Variants in RPF1 observed in about 807,000 individuals in gnomAD.
RPF1 encodes the protein ribosome production factor 1 homolog.
Under a neutral mutation model 41.9 loss-of-function variants are expected in RPF1, and 34 were observed. The observed-to-expected ratio is 0.81, with a 90% CI of 0.62 to 1.08. The LOEUF (loss-of-function observed/expected upper bound fraction) is 1.08. RPF1 is among the 50% of genes least tolerant of loss of function. The pLI, the probability that RPF1 is intolerant of heterozygous loss-of-function variation, is 0.00. For missense variants in RPF1, 425 were observed against 435.2 expected, an observed-to-expected ratio of 0.98 and a Z score of 0.21; for synonymous variants, 140 against 148.9, an observed-to-expected ratio of 0.94 and a Z score of 0.43.
chr1:84,496,402 A>AT, intron 8 of RPF1, 32 bp downstream of exon 8: 1 of 1,559,526 alleles, frequency 6.4e-7, no homozygotes, highest in Non-Finnish European at 8.7e-7. Context: ...AGACTAAGTC[A>AT]TTTTTAAAGT....
chr1:84,495,932 T>C lies in RPF1; in HGVS notation c.750T>C (p.Asn250=), dbSNP rs768828524. The part of the protein sequence containing the change: ...TEHIPEIILN[N]FTTRLGHSIG... ...ACATACCTGAAATAATTCTGAATAA[T>C]TTTACAACACGGCTGGGTCATTCAA... is the stretch of plus-strand genomic sequence containing the variant. The change falls in exon 7 of 9, where the codon AAT becomes AAC. Residue 250 remains asparagine (N), a synonymous_variant. Coordinates refer to ENST00000370654, the MANE Select transcript of RPF1 (RefSeq NM_025065.7). 1 of 1,611,292 alleles carries C rather than the reference T, an allele frequency of 6.2e-7. No individual in the cohort carries two copies. Among genetic ancestry groups the C allele is most frequent in the South Asian group, 1.1e-5 (1 of 90,856 alleles).
At chr1:84,496,132 C>A in intron 7 of RPF1, 69 bp downstream of exon 7, 1 of 1,480,312 alleles carries the variant, frequency 6.8e-7, no homozygotes, top group Middle Eastern at 1.8e-4. Flanking sequence ...AACTAATTTT[C>A]CAACATATTG....
chr1:84,490,483 T>A lies in RPF1; in HGVS notation c.616+11T>A. The A allele has an allele frequency of 6.4e-7, 1 of 1,563,244 alleles. No individual in the cohort carries two copies. Among genetic ancestry groups the A allele is most frequent in the Non-Finnish European group, 8.6e-7 (1 of 1,158,746 alleles). The stretch of plus-strand genomic sequence containing the variant: ...ATCGTAAAACCCCAAGTATCCTTTT[T>A]TTTTTTAAGGAGGTTTTCCTGTCCT... On this transcript the variant is annotated intron_variant, in intron 5 of 8. Transcript: ENST00000370654.
At chr1:84,490,275 C>G (rs1250739735) in intron 4 of RPF1, 44 bp from the exon 5 acceptor site, 1 of 1,366,984 alleles carries the variant, frequency 7.3e-7, no homozygotes, top group African/African-American at 1.5e-5. Context: ...GATTTTTATT[C>G]TTTTTTGAAA....
rs186289179 is a variant in RPF1 at position 84,486,620 on chromosome 1, A to G, written c.367-3013A>G. 4.3e-3 allele frequency among the ~76,000 whole-genome samples: 656 copies of G among 151,466 alleles called. 1 individual carries two copies. Among genetic ancestry groups the G allele is most frequent in the Admixed American group, 7.3e-3 (111 of 15,218 alleles). On this transcript the variant is annotated intron_variant, in intron 3 of 8. Transcript: ENST00000370654. ...AAAAAAAAAAAAAAAGAATAGGAAA[A>G]TGATGTGATCAGACTTAATTTTTAG...
chr1:84,495,511 T>A, intron 6 of RPF1, 56 bp downstream of exon 6: 1 of 778,120 alleles, frequency 1.3e-6, no homozygotes, highest in Admixed American at 2.6e-5. Flanking sequence ...ATTTATTTGA[T>A]CAATAGATGC....
chr1:84,482,667 A>G (rs945632987), intron 2 of RPF1, among the ~76,000 whole-genome samples: 5 of 150,576 alleles, frequency 3.3e-5, no homozygotes, highest in Non-Finnish European at 7.4e-5. Flanking sequence ...ACTTCTGCAC[A>G]GTTTTAAGCC....
intron 3 of RPF1, among the ~76,000 whole-genome samples, chr1:84,489,338 T>A (rs1223119058): frequency 1.3e-5 from 2 of 152,172 alleles, no homozygotes; most frequent in Non-Finnish European, 2.9e-5. Context: ...TTATTGTTTT[T>A]ACTAACCAAG....
Position 84,497,477 on chromosome 1 carries a change from G to A in RPF1, c.*7G>A. 1 of 1,603,818 alleles carries A rather than the reference G, an allele frequency of 6.2e-7. No homozygotes were observed. On this transcript the variant is annotated 3_prime_UTR_variant, in exon 9 of 9. Coordinates refer to ENST00000370654, the MANE Select transcript of RPF1 (RefSeq NM_025065.7). ...AAGAAAATTCCATTTATAAAGTACT[G>A]AGAGAATGATATTGGATTTTGCTGA...
intron 7 of RPF1, 21 bp from the exon 8 acceptor site, chr1:84,496,223 T>G (rs1681931810): frequency 6.2e-7 from 1 of 1,603,006 alleles, no homozygotes; most frequent in East Asian, 2.2e-5. Flanking sequence ...CAGACTAATT[T>G]AACTCTTTTT....
intron 3 of RPF1, among the ~76,000 whole-genome samples, chr1:84,486,800 T>C (rs961923461): frequency 2.0e-5 from 3 of 151,996 alleles, no homozygotes; most frequent in Non-Finnish European, 2.9e-5. Flanking sequence ...ATTCTAAATA[T>C]TTTTTCCCCT....
chr1:84,491,086 T>C (rs1421179631), intron 5 of RPF1, among the ~76,000 whole-genome samples: 2 of 152,218 alleles, frequency 1.3e-5, no homozygotes, highest in Non-Finnish European at 2.9e-5. Context: ...GCCCATGTTA[T>C]GTGTGTGTTC....
chr1:84,489,732 AAC>A lies in RPF1; in HGVS notation c.462+8_462+9del. ...AACATCAGATAGACCTCATGGGGTA[AAC>A]ACATTGATTAATTTAGTTCTTGAAT... is the stretch of plus-strand genomic sequence containing the variant. On this transcript the variant is annotated splice_donor_5th_base_variant and intron_variant, in intron 4 of 8. Transcript: ENST00000370654. 6.8e-7 allele frequency: 1 copy of A among 1,476,912 alleles called. No homozygotes were observed. The highest frequency in any genetic ancestry group is 1.1e-5 in the South Asian group (1 of 88,172). 91.5% of individuals were successfully genotyped at this position (1,476,912 alleles called of 1,614,324 possible).
rs544049233 is a variant in RPF1, at chr1:84,492,788, G to A, written c.616+2316G>A. 9.9e-5 allele frequency among the ~76,000 whole-genome samples: 15 copies of A among 152,230 alleles called. No homozygotes were observed. In the East Asian group the frequency reaches 2.9e-3, roughly 29 times the overall value. On this transcript the variant is annotated intron_variant, in intron 5 of 8. Coordinates refer to ENST00000370654, the MANE Select transcript of RPF1 (RefSeq NM_025065.7). ...GCTTCCAAGATGGTTTGCATTCCTG[G>A]CCTTTGGATTCTAAATGCCAGTAAC...
At chr1:84,495,070 AAATAG>A (rs141300216) in intron 5 of RPF1, among the ~76,000 whole-genome samples, 9,299 of 152,220 alleles carry the variant, frequency 0.061, 322 homozygotes, top group Non-Finnish European at 0.076. Context: ...GTGGTCAATT[AAATAG>A]CTTTTTTTCA....
chr1:84,479,453 A>G lies in RPF1; in HGVS notation c.172A>G (p.Lys58Glu). 2 of 1,614,252 alleles carry G rather than the reference A, an allele frequency of 1.2e-6. No individual in the cohort carries two copies. Among genetic ancestry groups the G allele is most frequent in the East Asian group, 2.2e-5 (1 of 44,886 alleles). ...GCCAGGCTTTAGCATTTCGGAGATT[A>G]AAAACAAACAGCGGCGACACTTAAT... is the stretch of plus-strand genomic sequence containing the variant. The part of the protein sequence containing the change: ...FPPGFSISEI[K>E]NKQRRHLMFT... Residue 58 changes from lysine (K) to glutamate (E), a missense_variant, in exon 1 of 9, where the codon AAA becomes GAA. Lys to Glu is a moderately conservative substitution (Grantham distance 56). Coordinates refer to ENST00000370654, the MANE Select transcript of RPF1 (RefSeq NM_025065.7).
At chr1:84,483,052 T>C (rs772962273) in intron 3 of RPF1, 57 bp downstream of exon 3, 3 of 1,142,702 alleles carry the variant, frequency 2.6e-6, no homozygotes, top group Non-Finnish European at 3.9e-6. Flanking sequence ...ATAAATTATA[T>C]GTTTTTTTGT....
At position 84,496,022 on chromosome 1, in the gene RPF1, A is replaced by G. The variant is rs775118446; in HGVS notation, c.840A>G (p.Thr280=). ...AATTTATCGGAAGGCAGGTTGCCAC[A>G]TTCCACAATCAACGGGATTACATAT... The part of the protein sequence containing the change: ...NPQFIGRQVA[T]FHNQRDYIFF... The change falls in exon 7 of 9, where the codon ACA becomes ACG. Residue 280 remains threonine, a synonymous_variant. Coordinates refer to ENST00000370654, the MANE Select transcript of RPF1 (RefSeq NM_025065.7). 3 of 1,613,028 alleles carry G rather than the reference A, an allele frequency of 1.9e-6. No homozygotes were observed. Among genetic ancestry groups the G allele is most frequent in the African/African-American group, 1.3e-5 (1 of 74,916 alleles).
intron 5 of RPF1, among the ~76,000 whole-genome samples, chr1:84,494,893 T>G (rs566429629): frequency 6.6e-6 from 1 of 152,132 alleles, no homozygotes; most frequent in Non-Finnish European, 1.5e-5. Context: ...AGTTTAGGAG[T>G]CTGGTCTCAT....
Sources: gnomAD v4.1 joint callset for allele counts (sites outside exome capture counted in the v4.1 genomes callset) on GRCh38, gnomAD v4.1.1 for gene constraint, MANE v1.5 for transcripts, NCBI Gene and HGNC (gene_info 2026-07-23, HGNC 2026-07-21) for gene names.